MYO3B: variants seen among roughly 807,000 people sequenced by gnomAD.
The protein encoded by MYO3B is myosin IIIB.
MYO3B carries 156 observed loss-of-function variants against 174.6 expected under a neutral mutation model. The observed-to-expected ratio is 0.89, with a 90% CI of 0.78 to 1.02. The LOEUF is 1.02. Among genes scored for constraint, MYO3B ranks in the 50% least tolerant of loss-of-function variants. MYO3B has a pLI of 0.00. For missense variants in MYO3B, 1,632 were observed against 1,639.4 expected (o/e 1.00, Z 0.08); for synonymous variants, 563 against 569.1 (o/e 0.99, Z 0.15).
At chr2:170,441,868 A>G (rs1251541416) in intron 22 of MYO3B, among the ~76,000 whole-genome samples, 13 of 152,096 alleles carry the variant, frequency 8.5e-5, no homozygotes, top group Non-Finnish European at 5.9e-5. Flanking sequence ...TTTAACTGCA[A>G]CCTGTTTTAT....
chr2:170,419,987 A>G (rs1001583410), intron 22 of MYO3B, among the ~76,000 whole-genome samples: 1 of 152,198 alleles, frequency 6.6e-6, no homozygotes, highest in Admixed American at 6.5e-5. Flanking sequence ...GTTCAAGACC[A>G]TCCTGGCCAA....
chr2:170,354,707 TA>T (rs2105615448), intron 8 of MYO3B, among the ~76,000 whole-genome samples: 1 of 152,252 alleles, frequency 6.6e-6, no homozygotes, highest in Non-Finnish European at 1.5e-5. Context: ...GATGGCCTAT[TA>T]TTCAGCAAAT....
At chr2:170,329,259 G>GTGTGTA (rs918829938) in intron 7 of MYO3B, among the ~76,000 whole-genome samples, 68 of 149,258 alleles carry the variant, frequency 4.6e-4, no homozygotes, top group African/African-American at 7.8e-4. Context: ...GTGTGTGTGT[G>GTGTGTA]TATATATATA....
At chr2:170,506,251 C>A (rs1318156604) in intron 28 of MYO3B, among the ~76,000 whole-genome samples, 1 of 152,222 alleles carries the variant, frequency 6.6e-6, no homozygotes, top group African/African-American at 2.4e-5. Flanking sequence ...ACAGCCTGAC[C>A]CTACTTTGTA....
chr2:170,232,575 G>T (rs535716271), intron 6 of MYO3B, among the ~76,000 whole-genome samples: 1 of 152,362 alleles, frequency 6.6e-6, no homozygotes, highest in East Asian at 1.9e-4. Flanking sequence ...ATATGGCAAT[G>T]ATTCATTTAG....
Position 170,584,462 on chromosome 2 carries a change from A to G in MYO3B, c.3733+40474A>G, listed in dbSNP as rs144171927. Among the ~76,000 whole-genome samples, 190 of 152,354 alleles carry G rather than the reference A, an allele frequency of 1.2e-3. 1 individual carries two copies. Among genetic ancestry groups the G allele is most frequent in the Middle Eastern group, 0.01 (3 of 294 alleles). On this transcript the variant is annotated intron_variant, in intron 32 of 34. Transcript: ENST00000408978. ...ACTTTTATTACTTGAGCCTGTGGAG[A>G]TGAAGGGCAGATATAAATTAATGTG...
intron 30 of MYO3B, among the ~76,000 whole-genome samples, chr2:170,528,096 C>T (rs1274937440): frequency 6.6e-6 from 1 of 152,224 alleles, no homozygotes; most frequent in African/African-American, 2.4e-5. Context: ...AAGGAGCTAG[C>T]TTTCTCAAAA....
intron 7 of MYO3B, among the ~76,000 whole-genome samples, chr2:170,247,164 G>A (rs1380816367): frequency 1.3e-5 from 2 of 152,162 alleles, no homozygotes; most frequent in East Asian, 1.9e-4. Flanking sequence ...CCCAGACTCA[G>A]TACTTCCAGA....
Position 170,580,187 on chromosome 2 carries a change from A to G in MYO3B, c.3733+36199A>G, listed in dbSNP as rs574007416. Among the ~76,000 whole-genome samples, 146 of 151,846 alleles carry G rather than the reference A, an allele frequency of 9.6e-4. 1 individual carries two copies. The highest frequency in any genetic ancestry group is 3.3e-3 in the African/African-American group (138 of 41,570). On this transcript the variant is annotated intron_variant, in intron 32 of 34. Transcript: ENST00000408978. ...TAATAGTAATCATAAAGGCATGTCT[A>G]ATAGTTAATAATATCACATTGTTTT...
intron 1 of MYO3B, among the ~76,000 whole-genome samples, 194 bp from the exon 2 acceptor site, chr2:170,199,014 C>A (rs1164650223): frequency 6.6e-6 from 1 of 152,134 alleles, no homozygotes; most frequent in East Asian, 1.9e-4. Context: ...CCATGTTACT[C>A]CTCCACTCTA....
At chr2:170,627,891 G>A (rs895592239) in intron 32 of MYO3B, among the ~76,000 whole-genome samples, 1 of 152,164 alleles carries the variant, frequency 6.6e-6, no homozygotes, top group Non-Finnish European at 1.5e-5. Context: ...AAATATTGCT[G>A]TCTGATCGTT....
chr2:170,290,021 A>G (rs1438232174), intron 7 of MYO3B, among the ~76,000 whole-genome samples: 1 of 152,082 alleles, frequency 6.6e-6, no homozygotes, highest in African/African-American at 2.4e-5. Flanking sequence ...TCCTCCTGTT[A>G]CTGATTTCTA....
intron 32 of MYO3B, chr2:170,602,095 C>A: frequency 8.5e-7 from 1 of 1,175,214 alleles, no homozygotes; most frequent in Non-Finnish European, 1.3e-6. Context: ...CCTCTCTGAG[C>A]ACTTCTTAGA....
rs192597597 is a variant in MYO3B at position 170,313,150 on chromosome 2, T to C, written c.750-22235T>C. ...ATAAGAAATAAAATATTGCACTGTT[T>C]GGCACTTTGAAGTTGGCCTGCCTGG... On this transcript the variant is annotated intron_variant, in intron 7 of 34. Coordinates refer to ENST00000408978, the MANE Select transcript of MYO3B (RefSeq NM_138995.5). Among the ~76,000 whole-genome samples, 5 of 152,354 alleles carry C rather than the reference T, an allele frequency of 3.3e-5. No homozygotes were observed. In the East Asian group the frequency reaches 9.6e-4, roughly 29 times the overall value.
chr2:170,184,539 TA>T (rs2092440158), intron 1 of MYO3B, among the ~76,000 whole-genome samples: 1 of 152,210 alleles, frequency 6.6e-6, no homozygotes, highest in Non-Finnish European at 1.5e-5. Flanking sequence ...TATGGCTGAA[TA>T]ATATTCCATT....
chr2:170,231,752 C>T (rs6748642), intron 6 of MYO3B, among the ~76,000 whole-genome samples: 9,997 of 152,294 alleles, frequency 0.066, 428 homozygotes, highest in East Asian at 0.19. Flanking sequence ...ATCCTGTTCA[C>T]ACCTCAGAAT....
chr2:170,304,335 A>G (rs892621115), intron 7 of MYO3B, among the ~76,000 whole-genome samples: 2 of 152,152 alleles, frequency 1.3e-5, no homozygotes, highest in African/African-American at 4.8e-5. Flanking sequence ...GATGGATAAA[A>G]TTATATCTTG....
At chr2:170,573,570 A>G (rs577701869) in intron 32 of MYO3B, among the ~76,000 whole-genome samples, 1 of 152,308 alleles carries the variant, frequency 6.6e-6, no homozygotes, top group South Asian at 2.1e-4. Context: ...TTAGTGGCAT[A>G]CAAATGCCAC....
chr2:170,460,818 G>A (rs1684238337), intron 23 of MYO3B, among the ~76,000 whole-genome samples: 1 of 152,204 alleles, frequency 6.6e-6, no homozygotes, highest in South Asian at 2.1e-4. Context: ...TGCTGATCTT[G>A]AAAACAATAC....
Sources: allele counts gnomAD v4.1 joint callset (sites outside exome capture counted in the v4.1 genomes callset), GRCh38; gene constraint gnomAD v4.1.1; transcripts MANE v1.5; gene names NCBI Gene and HGNC (gene_info 2026-07-23, HGNC 2026-07-21).